The following PCDH15 variants were observed in gnomAD, a reference collection of about 807,000 sequenced individuals.
The protein encoded by PCDH15 is protocadherin-15.
A neutral mutation model predicts 178.5 loss-of-function variants in PCDH15; 129 were observed. The ratio of observed to expected loss-of-function variants is 0.72; its 90% confidence interval spans 0.63 to 0.84. PCDH15 has a LOEUF of 0.84. Among genes scored for constraint, PCDH15 ranks in the 40% least tolerant of loss-of-function variants. PCDH15 has a pLI of 0.00. For missense variants in PCDH15, 2,230 were observed against 2,099.9 expected (o/e 1.06, Z -1.21); for synonymous variants, 800 against 732.0 (o/e 1.09, Z -1.50).
chr10:54,056,139 T>C (rs1354194103), intron 18 of PCDH15, among the ~76,000 whole-genome samples: 3 of 152,162 alleles, frequency 2.0e-5, no homozygotes, highest in African/African-American at 4.8e-5. Context: ...TATATGTACA[T>C]ATTTATGGGG....
intron 8 of PCDH15, among the ~76,000 whole-genome samples, chr10:54,258,919 T>A (rs1227644896): frequency 2.6e-5 from 4 of 152,158 alleles, no homozygotes; most frequent in African/African-American, 9.6e-5. Flanking sequence ...TCTTATTTCA[T>A]CCTGATAAAA....
chr10:54,919,278 T>C (rs1837422283), intron 2 of PCDH15, among the ~76,000 whole-genome samples: 1 of 152,172 alleles, frequency 6.6e-6, no homozygotes. Context: ...CCCTACAATA[T>C]ATGATTTCTG....
At chr10:55,607,290 A>C (rs1589178774) in intron 2 of PCDH15, among the ~76,000 whole-genome samples, 1 of 151,658 alleles carries the variant, frequency 6.6e-6, no homozygotes, top group East Asian at 1.9e-4. Context: ...ACAGTTTTAC[A>C]CTGTTGGTGG....
chr10:55,479,774 A>G lies in PCDH15; in HGVS notation c.-156+147851T>C, dbSNP rs146062827. Among the ~76,000 whole-genome samples, 642 of 151,780 alleles carry G rather than the reference A, an allele frequency of 4.2e-3. 10 individuals carry two copies. The highest frequency in any genetic ancestry group is 0.015 in the African/African-American group (611 of 41,488). On this transcript the variant is annotated intron_variant, in intron 2 of 5. Coordinates refer to the PCDH15 transcript ENST00000613346. ...ATAGAATACCCTACAGATTCCACCA[A>G]AAAAAGGGTCAAGACTAATAAATGA...
intron 1 of PCDH15, among the ~76,000 whole-genome samples, chr10:55,271,480 A>C (rs2132247162): frequency 6.6e-6 from 1 of 152,246 alleles, no homozygotes; most frequent in African/African-American, 2.4e-5. Flanking sequence ...CAATGAACAA[A>C]AATAAACATT....
At chr10:55,171,090 A>G (rs1839321204) in intron 1 of PCDH15, among the ~76,000 whole-genome samples, 1 of 152,128 alleles carries the variant, frequency 6.6e-6, no homozygotes, top group East Asian at 1.9e-4. Context: ...TTCTACATAT[A>G]ATAATATTCT....
chr10:54,480,674 A>G (rs2136918401), intron 3 of PCDH15, among the ~76,000 whole-genome samples: 1 of 152,074 alleles, frequency 6.6e-6, no homozygotes, highest in East Asian at 1.9e-4. Flanking sequence ...CCATTATTAA[A>G]CCTAAATAGA....
At position 54,344,411 on chromosome 10, in the gene PCDH15, A is replaced by T. The variant is rs1942848879; in HGVS notation, c.594+1954T>A. 2.6e-5 allele frequency among the ~76,000 whole-genome samples: 4 copies of T among 152,232 alleles called. No homozygotes were observed. In the South Asian group the frequency reaches 8.3e-4, roughly 31 times the overall value. On this transcript the variant is annotated intron_variant, in intron 6 of 37. Transcript: ENST00000644397. ...GACAGAATTATTGCACAGTTAAAAAAGAATTTAAGCCTTATTAACTGTCTA... is the reference window on the plus strand; with the variant it reads ...GACAGAATTATTGCACAGTTAAAAATGAATTTAAGCCTTATTAACTGTCTA...
chr10:54,356,840 G>A (rs1377356615), intron 5 of PCDH15, among the ~76,000 whole-genome samples: 1 of 152,120 alleles, frequency 6.6e-6, no homozygotes, highest in East Asian at 1.9e-4. Context: ...TCCCCGGGAT[G>A]CAAGGCTGGT....
At chr10:54,622,583 A>T (rs1247109390) in intron 2 of PCDH15, among the ~76,000 whole-genome samples, 4 of 45,032 alleles carry the variant, frequency 8.9e-5, no homozygotes, top group Non-Finnish European at 1.3e-4. Flanking sequence ...ATATATATAT[A>T]ATATATATAA....
In PCDH15 at chr10:53,933,018, C is replaced by G. The variant is rs557895304; in HGVS notation, c.3373+5797G>C. 5.7e-4 allele frequency among the ~76,000 whole-genome samples: 87 copies of G among 152,074 alleles called. 2 individuals are homozygous for G. In the Middle Eastern group the frequency reaches 0.021, roughly 36 times the overall value. ...TTTTGCCATGGGATGTGCCTGCTCT[C>G]CCTTTGACTTCCACCACGATTATAA... On this transcript the variant is annotated intron_variant, in intron 25 of 37. Transcript: ENST00000644397.
chr10:54,060,323 C>G (rs2135734723), intron 18 of PCDH15, among the ~76,000 whole-genome samples: 1 of 152,246 alleles, frequency 6.6e-6, no homozygotes, highest in Middle Eastern at 3.4e-3. Context: ...AAAATGTTCT[C>G]TAAATATGGT....
intron 2 of PCDH15, among the ~76,000 whole-genome samples, chr10:55,524,057 A>G (rs1332694167): frequency 7.6e-6 from 1 of 131,396 alleles, no homozygotes; most frequent in African/African-American, 2.6e-5. Flanking sequence ...ACATGTAAAA[A>G]CCTTTTTTTT....
intron 2 of PCDH15, among the ~76,000 whole-genome samples, chr10:55,346,720 G>C (rs1444323310): frequency 6.6e-6 from 1 of 150,932 alleles, no homozygotes; most frequent in Non-Finnish European, 1.5e-5. Flanking sequence ...TCTACAATGA[G>C]AGGTTAATAT....
In PCDH15 at chr10:54,114,656, A is replaced by T. The variant is rs2095082533; in HGVS notation, c.1917+18219T>A. On this transcript the variant is annotated intron_variant, in intron 15 of 37. Coordinates refer to ENST00000644397, the MANE Select transcript of PCDH15 (RefSeq NM_001384140.1). The stretch of plus-strand genomic sequence containing the variant: ...GTTAACAGAAAGCACAGCATGTTGG[A>T]ATATTATTATTTTTTATAAGGTGGG... Among the ~76,000 whole-genome samples the T allele has an allele frequency of 2.0e-5, 3 of 152,324 alleles. No homozygotes were observed. In the South Asian group the frequency reaches 6.2e-4, roughly 32 times the overall value.
chr10:54,143,575 G>T (rs2043603358), intron 14 of PCDH15, among the ~76,000 whole-genome samples: 1 of 152,122 alleles, frequency 6.6e-6, no homozygotes. Flanking sequence ...CATAAAGATT[G>T]TTAACCCAAC....
chr10:55,600,351 G>T (rs1377995366), intron 2 of PCDH15, among the ~76,000 whole-genome samples: 1 of 149,976 alleles, frequency 6.7e-6, no homozygotes, highest in Non-Finnish European at 1.5e-5. Flanking sequence ...GAGACAGAGT[G>T]AGACTCTGTC....
At chr10:54,677,190 A>G (rs2094805199) in intron 1 of PCDH15, among the ~76,000 whole-genome samples, 2 of 152,098 alleles carry the variant, frequency 1.3e-5, no homozygotes, top group Admixed American at 1.3e-4. Context: ...TGGGCAAAGT[A>G]GCAAGACCCA....
chr10:54,007,984 C>A (rs2092441232), intron 20 of PCDH15, among the ~76,000 whole-genome samples: 1 of 152,034 alleles, frequency 6.6e-6, no homozygotes, highest in Non-Finnish European at 1.5e-5. Context: ...GAATTGTACT[C>A]CATTCTTCTC....
Sources: allele counts gnomAD v4.1 joint callset (sites outside exome capture counted in the v4.1 genomes callset), GRCh38; gene constraint gnomAD v4.1.1; transcripts MANE v1.5; gene names NCBI Gene and HGNC (gene_info 2026-07-23, HGNC 2026-07-21).